COL25A1: variants seen among roughly 807,000 people sequenced by gnomAD.
COL25A1 encodes the protein collagen type XXV alpha 1 chain, also known as collagen alpha-1(XXV) chain.
A neutral mutation model predicts 128.4 loss-of-function variants in COL25A1; 103 were observed. The ratio of observed to expected loss-of-function variants is 0.80; its 90% CI spans 0.68 to 0.94. COL25A1 has a LOEUF of 0.94. Among genes scored for constraint, COL25A1 ranks in the 40% least tolerant of loss-of-function variants. The pLI is 0.00. For synonymous variants in COL25A1, 279 were observed against 277.2 expected, an observed-to-expected ratio of 1.01 and a Z score of -0.06; for missense variants, 745 against 840.0, an observed-to-expected ratio of 0.89 and a Z score of 1.40.
chr4:109,138,344 C>T (rs931170779), intron 3 of COL25A1, among the ~76,000 whole-genome samples: 10 of 152,200 alleles, frequency 6.6e-5, no homozygotes, highest in African/African-American at 2.4e-4. Flanking sequence ...GCATAGTATT[C>T]CATGGCGTAT....
Position 109,159,524 on chromosome 4 carries a change from C to T in COL25A1, c.368-109345G>A, listed in dbSNP as rs576619826. On this transcript the variant is annotated intron_variant, in intron 3 of 37. Coordinates refer to ENST00000399132, the MANE Select transcript of COL25A1 (RefSeq NM_198721.4). ...ATCCTTTGCTAGGTCTTTGCCTCCC[C>T]AGCACTGGCTCCCTCAGGATTTCTT... Among the ~76,000 whole-genome samples the T allele has an allele frequency of 1.6e-3, 249 of 152,306 alleles. 1 individual carries two copies. The highest frequency in any genetic ancestry group is 5.7e-3 in the African/African-American group (235 of 41,570).
chr4:108,863,715 C>A (rs1033770506), intron 20 of COL25A1, among the ~76,000 whole-genome samples: 1 of 152,070 alleles, frequency 6.6e-6, no homozygotes, highest in Admixed American at 6.6e-5. Flanking sequence ...CTACTTTCAA[C>A]GTGAGGGGGC....
intron 23 of COL25A1, 87 bp from the exon 24 acceptor site, chr4:108,859,820 GCT>G (rs761836296): frequency 3.4e-6 from 3 of 875,032 alleles, no homozygotes; most frequent in Non-Finnish European, 5.6e-6. Context: ...ACAACTCACA[GCT>G]CTCTCTGAAT....
rs569697836 is a variant in COL25A1, at chr4:108,892,407, G to A, written c.907-2674C>T. Among the ~76,000 whole-genome samples the A allele has an allele frequency of 2.9e-4, 44 of 152,288 alleles. No individual in the cohort carries two copies. The East Asian group carries it at 7.7e-3, about 27-fold the overall frequency. On this transcript the variant is annotated intron_variant, in intron 16 of 37. Transcript: ENST00000399132. ...ATATGTGTGTGTTAATAAGGCACAT[G>A]TGGATATATGAAGTGAATGTAGTGA...
chr4:109,256,521 T>C (rs1301646800), intron 3 of COL25A1, among the ~76,000 whole-genome samples: 1 of 152,040 alleles, frequency 6.6e-6, no homozygotes, highest in African/African-American at 2.4e-5. Flanking sequence ...AAAATAAGAG[T>C]AGAAAAAGCA....
At chr4:109,042,607 C>T (rs1221921396) in intron 5 of COL25A1, among the ~76,000 whole-genome samples, 1 of 151,928 alleles carries the variant, frequency 6.6e-6, no homozygotes, top group African/African-American at 2.4e-5. Flanking sequence ...AATGATAATA[C>T]CCTGCTATTA....
At chr4:109,136,267 C>T (rs926036200) in intron 3 of COL25A1, among the ~76,000 whole-genome samples, 1 of 152,098 alleles carries the variant, frequency 6.6e-6, no homozygotes, top group African/African-American at 2.4e-5. Flanking sequence ...GGTGTGGTGG[C>T]ACGTGCCTGT....
intron 3 of COL25A1, among the ~76,000 whole-genome samples, chr4:109,054,485 C>T (rs779064694): frequency 8.3e-4 from 126 of 152,186 alleles, no homozygotes; most frequent in Non-Finnish European, 1.4e-3. Context: ...AAACCATTTC[C>T]GTGCTATATT....
At chr4:109,199,492 A>G (rs1465680203) in intron 3 of COL25A1, among the ~76,000 whole-genome samples, 1 of 152,130 alleles carries the variant, frequency 6.6e-6, no homozygotes, top group African/African-American at 2.4e-5. Context: ...TACAAATGAG[A>G]TCTATATTTA....
At chr4:109,092,728 C>G (rs1379278977) in intron 3 of COL25A1, among the ~76,000 whole-genome samples, 1 of 152,140 alleles carries the variant, frequency 6.6e-6, no homozygotes, top group Non-Finnish European at 1.5e-5. Flanking sequence ...ACAATGTCTA[C>G]AAGACATTGT....
In COL25A1 at chr4:109,160,876, A is replaced by T. The variant is rs58140428; in HGVS notation, c.368-110697T>A. Among the ~76,000 whole-genome samples, 502 of 152,316 alleles carry T rather than the reference A, an allele frequency of 3.3e-3. 1 individual carries two copies. Among genetic ancestry groups the T allele is most frequent in the African/African-American group, 0.011 (461 of 41,568 alleles). On this transcript the variant is annotated intron_variant, in intron 3 of 37. Coordinates refer to ENST00000399132, the MANE Select transcript of COL25A1 (RefSeq NM_198721.4). ...CCTTTACCAACCTACATATTATGTA[A>T]TTGGCTTATTTCCTTTTATTATAAC...
At chr4:109,070,207 G>T (rs1219440322) in intron 3 of COL25A1, among the ~76,000 whole-genome samples, 1 of 150,684 alleles carries the variant, frequency 6.6e-6, no homozygotes, top group Non-Finnish European at 1.5e-5. Context: ...GCAGAGAGTC[G>T]AGATCATTCC....
At chr4:109,254,469 T>A (rs866293017) in intron 3 of COL25A1, among the ~76,000 whole-genome samples, 5 of 59,580 alleles carry the variant, frequency 8.4e-5, no homozygotes, top group South Asian at 5.0e-4. Flanking sequence ...AGGCATATGT[T>A]TATATATATA....
At chr4:109,172,574 T>C (rs543781586) in intron 3 of COL25A1, among the ~76,000 whole-genome samples, 1 of 152,264 alleles carries the variant, frequency 6.6e-6, no homozygotes, top group Middle Eastern at 3.4e-3. Flanking sequence ...TTGATTATAA[T>C]CCATCTTGAT....
chr4:108,924,672 A>G (rs922956441), intron 11 of COL25A1, among the ~76,000 whole-genome samples: 5 of 152,104 alleles, frequency 3.3e-5, no homozygotes, highest in African/African-American at 9.7e-5. Flanking sequence ...GGTCTCCTCC[A>G]ATCCTTTCTG....
At chr4:108,896,244 G>C (rs926851270) in intron 16 of COL25A1, among the ~76,000 whole-genome samples, 2 of 151,826 alleles carry the variant, frequency 1.3e-5, no homozygotes, top group Admixed American at 6.6e-5. Flanking sequence ...CACTGTGCCC[G>C]GCCTCAAACT....
intron 3 of COL25A1, among the ~76,000 whole-genome samples, chr4:109,254,073 C>A (rs993547725): frequency 2.1e-5 from 3 of 146,092 alleles, no homozygotes; most frequent in Non-Finnish European, 1.5e-5. Context: ...GGCGACAGTG[C>A]GAGACTCCGT....
chr4:108,933,950 G>C (rs1272876425), intron 11 of COL25A1, among the ~76,000 whole-genome samples: 3 of 151,852 alleles, frequency 2.0e-5, no homozygotes, highest in Admixed American at 1.3e-4. Context: ...TCTAGAACTA[G>C]AATTACCATT....
At chr4:109,207,708 A>G (rs940873260) in intron 3 of COL25A1, among the ~76,000 whole-genome samples, 1 of 152,210 alleles carries the variant, frequency 6.6e-6, no homozygotes, top group African/African-American at 2.4e-5. Context: ...TTCTATTTAC[A>G]ACTTAGTGAC....
Sources: allele counts gnomAD v4.1 joint callset (sites outside exome capture counted in the v4.1 genomes callset), GRCh38; gene constraint gnomAD v4.1.1; transcripts MANE v1.5; gene names NCBI Gene and HGNC (gene_info 2026-07-23, HGNC 2026-07-21).